The following ALDH9A1 variants were observed in gnomAD, a reference collection of about 807,000 sequenced individuals.
ALDH9A1 encodes 4-trimethylaminobutyraldehyde dehydrogenase.
In ALDH9A1, 42 loss-of-function variants were observed where a neutral mutation model predicts 56.6. That is an observed-to-expected ratio of 0.74 (90% CI 0.58 to 0.96). The LOEUF is 0.96. Among genes scored for constraint, ALDH9A1 ranks in the 40% least tolerant of loss-of-function variants. ALDH9A1 has a pLI of 0.00. For synonymous variants in ALDH9A1, 242 were observed against 236.0 expected (o/e 1.03, Z -0.23); for missense variants, 661 against 651.5 (o/e 1.01, Z -0.16).
In ALDH9A1 at chr1:165,698,505, C is replaced by A. The variant is rs751972846; in HGVS notation, c.54G>T (p.Arg18=). The change falls in exon 1 of 11, where the codon CGG becomes CGT. Residue 18 remains arginine, a synonymous_variant. Transcript: ENST00000354775. ...AALSPLLRSL[R]PSPVAAMSTG... ...TGCTCATGGCGGCGACAGGAGAGGGCCGAAGACTGCGAAGAAGCGGGGAGA... is the reference window on the plus strand; with the variant it reads ...TGCTCATGGCGGCGACAGGAGAGGGACGAAGACTGCGAAGAAGCGGGGAGA... The A allele has an allele frequency of 3.2e-5, 52 of 1,610,642 alleles. No individual in the cohort carries two copies. In the African/African-American group the frequency reaches 5.5e-4, roughly 17 times the overall value.
At position 165,685,765 on chromosome 1, in the gene ALDH9A1, G is replaced by A. The variant is rs12354157; in HGVS notation, c.328-2655C>T. On this transcript the variant is annotated intron_variant, in intron 2 of 10. Coordinates refer to ENST00000354775, the MANE Select transcript of ALDH9A1 (RefSeq NM_000696.4). Reference sequence around the variant, plus strand: ...ACCATGGCCAGTTTTACCCAAGGATGTACCATGATCAAATGTGCTTCTGTA... The same window carrying A: ...ACCATGGCCAGTTTTACCCAAGGATATACCATGATCAAATGTGCTTCTGTA... 6.7e-3 allele frequency among the ~76,000 whole-genome samples: 1,025 copies of A among 152,310 alleles called. 25 individuals are homozygous for A. Among genetic ancestry groups the A allele is most frequent in the South Asian group, 0.06 (290 of 4,822 alleles).
chr1:165,692,432 A>G (rs575972116), intron 2 of ALDH9A1, among the ~76,000 whole-genome samples: 82 of 152,352 alleles, frequency 5.4e-4, no homozygotes, highest in African/African-American at 1.7e-3. Context: ...AGACAAACAC[A>G]GAGCCAAATC....
chr1:165,664,055 T>C (rs1239235720), intron 10 of ALDH9A1, among the ~76,000 whole-genome samples: 1 of 152,178 alleles, frequency 6.6e-6, no homozygotes, highest in Non-Finnish European at 1.5e-5. Flanking sequence ...ACATGTAATG[T>C]TATATGTTAC....
chr1:165,685,355 G>C (rs1649675038), intron 2 of ALDH9A1, among the ~76,000 whole-genome samples: 1 of 152,138 alleles, frequency 6.6e-6, no homozygotes, highest in South Asian at 2.1e-4. Context: ...ATACTTACTA[G>C]TTATATGATC....
At chr1:165,668,206 T>C (rs908287216) in intron 8 of ALDH9A1, among the ~76,000 whole-genome samples, 3 of 152,204 alleles carry the variant, frequency 2.0e-5, no homozygotes, top group African/African-American at 4.8e-5. Context: ...TCTGGATGCC[T>C]TTCTCCTCCA....
rs562291777 is a variant in ALDH9A1 at position 165,697,341 on chromosome 1, A to T, written c.181+1037T>A. On this transcript the variant is annotated intron_variant, in intron 1 of 10. Coordinates refer to ENST00000354775, the MANE Select transcript of ALDH9A1 (RefSeq NM_000696.4). ...TAAAAGAATAGATCTTAAATATTTC[A>T]CTATCCAAAAAAAGCCATTAACTAT... is the stretch of plus-strand genomic sequence containing the variant. Among the ~76,000 whole-genome samples the T allele has an allele frequency of 1.4e-4, 22 of 152,390 alleles. No homozygotes were observed. In the East Asian group the frequency reaches 3.3e-3, roughly 23 times the overall value.
At chr1:165,675,051 T>C (rs7537071) in intron 6 of ALDH9A1, among the ~76,000 whole-genome samples, 96,720 of 151,862 alleles carry the variant, frequency 0.64, 31,172 homozygotes, top group East Asian at 0.96. Flanking sequence ...AAAAATTAAC[T>C]GGGTGTGGTA....
intron 3 of ALDH9A1, 39 bp from the exon 4 acceptor site, chr1:165,682,280 T>C (rs201921782): frequency 1.9e-6 from 3 of 1,603,224 alleles, no homozygotes; most frequent in Non-Finnish European, 1.7e-6. Context: ...TGCAGGTCTG[T>C]GCTCCCCAAG....
At chr1:165,669,109 C>T in intron 7 of ALDH9A1, 96 bp from the exon 8 acceptor site, 1 of 1,343,816 alleles carries the variant, frequency 7.4e-7, no homozygotes. Context: ...ACATAGTCTT[C>T]CCAGTGCAGG....
intron 9 of ALDH9A1, among the ~76,000 whole-genome samples, chr1:165,666,645 A>T (rs79454200): frequency 6.8e-6 from 1 of 146,764 alleles, no homozygotes; most frequent in African/African-American, 2.5e-5. Context: ...ATGAAGTTAT[A>T]AAAAAAAAAA....
Position 165,667,359 on chromosome 1 carries a change from T to C in ALDH9A1, c.1299A>G (p.Leu433=), listed in dbSNP as rs1449143295. ...CAAAAGTGGTATCATTGGCTCTTTC[T>C]AGAACCTCAGCTTCAGTGTCAAATG... ...ILSFDTEAEV[L]ERANDTTFGL... Residue 433 remains leucine, a synonymous_variant, in exon 9 of 11, where the codon CTA becomes CTG. Coordinates refer to ENST00000354775, the MANE Select transcript of ALDH9A1 (RefSeq NM_000696.4). The C allele has an allele frequency of 6.2e-7, 1 of 1,614,136 alleles. No individual in the cohort carries two copies. The highest frequency in any genetic ancestry group is 1.7e-5 in the Admixed American group (1 of 60,000).
At chr1:165,664,500 C>T (rs1648944413) in intron 10 of ALDH9A1, among the ~76,000 whole-genome samples, 1 of 152,170 alleles carries the variant, frequency 6.6e-6, no homozygotes, top group Admixed American at 6.5e-5. Context: ...AAACACACTC[C>T]TATATGCCAT....
rs1649403565 is a variant in ALDH9A1 at position 165,677,611 on chromosome 1, C to T, written c.930+1831G>A. 2.6e-5 allele frequency among the ~76,000 whole-genome samples: 4 copies of T among 152,168 alleles called. No individual in the cohort carries two copies. The South Asian group carries it at 8.3e-4, about 32-fold the overall frequency. On this transcript the variant is annotated intron_variant, in intron 6 of 10. Transcript: ENST00000354775. ...CAATGGCTCATGCCTGTAATCCCAGCACTTTGGGAGGCCAAGGCAGGTGTA... is the reference window on the plus strand; with the variant it reads ...CAATGGCTCATGCCTGTAATCCCAGTACTTTGGGAGGCCAAGGCAGGTGTA...
intron 6 of ALDH9A1, among the ~76,000 whole-genome samples, chr1:165,672,419 A>G (rs544186471): frequency 6.6e-6 from 1 of 152,324 alleles, no homozygotes; most frequent in South Asian, 2.1e-4. Context: ...AATAATAAAT[A>G]TTGTATGATT....
At chr1:165,686,353 A>C (rs1571180334) in intron 2 of ALDH9A1, among the ~76,000 whole-genome samples, 1 of 152,212 alleles carries the variant, frequency 6.6e-6, no homozygotes, top group East Asian at 1.9e-4. Context: ...GTGGGAGTTT[A>C]GGGAACTTTG....
intron 6 of ALDH9A1, among the ~76,000 whole-genome samples, chr1:165,678,970 C>G (rs987841560): frequency 2.0e-5 from 3 of 151,944 alleles, no homozygotes; most frequent in Non-Finnish European, 4.4e-5. Flanking sequence ...GATCCTAGAC[C>G]GGAAAAAAAA....
At chr1:165,670,941 T>C (rs884121) in intron 6 of ALDH9A1, among the ~76,000 whole-genome samples, 48,545 of 140,476 alleles carry the variant, frequency 0.35, 9,220 homozygotes, top group East Asian at 0.83. Context: ...GGTGTGGTGG[T>C]GCACACCTAT....
At chr1:165,670,755 A>G (rs1649152213) in intron 6 of ALDH9A1, among the ~76,000 whole-genome samples, 1 of 152,190 alleles carries the variant, frequency 6.6e-6, no homozygotes, top group Admixed American at 6.5e-5. Context: ...GAGTTTTGAA[A>G]AAGACGTTCA....
At chr1:165,681,181 T>G (rs1649541389) in intron 4 of ALDH9A1, among the ~76,000 whole-genome samples, 1 of 152,226 alleles carries the variant, frequency 6.6e-6, no homozygotes, top group Admixed American at 6.5e-5. Flanking sequence ...ACCATATCAA[T>G]AAGTAAACAA....
Sources: allele counts gnomAD v4.1 joint callset (sites outside exome capture counted in the v4.1 genomes callset), GRCh38; gene constraint gnomAD v4.1.1; transcripts MANE v1.5; gene names NCBI Gene and HGNC (gene_info 2026-07-23, HGNC 2026-07-21).